The following SLC24A2 variants were observed in gnomAD, a reference collection of about 807,000 sequenced individuals.
The protein encoded by SLC24A2 is solute carrier family 24 member 2, also known as sodium/potassium/calcium exchanger 2.
Under a neutral mutation model 62.0 loss-of-function variants are expected in SLC24A2, and 36 were observed. The observed-to-expected ratio is 0.58, with a 90% confidence interval of 0.44 to 0.77. The LOEUF is 0.77. SLC24A2 is among the 30% of genes least tolerant of loss of function. The pLI is 0.00. For synonymous variants in SLC24A2, 358 were observed against 294.0 expected, an observed-to-expected ratio of 1.22 and a Z score of -2.23; for missense variants, 846 against 817.9, an observed-to-expected ratio of 1.03 and a Z score of -0.42.
Position 19,762,710 on chromosome 9 carries a change from G to A in SLC24A2, c.930+23227C>T, listed in dbSNP as rs141984270. 2.7e-4 allele frequency among the ~76,000 whole-genome samples: 41 copies of A among 151,492 alleles called. 1 individual carries two copies. The East Asian group carries it at 6.8e-3, about 25-fold the overall frequency. ...AGTACCAAGCTGTTTTGGTTACTGTGGCCTTGTAGTATAGTTTGAAGTCAG... is the reference window on the plus strand; with the variant it reads ...AGTACCAAGCTGTTTTGGTTACTGTAGCCTTGTAGTATAGTTTGAAGTCAG... On this transcript the variant is annotated intron_variant, in intron 2 of 10. Transcript: ENST00000341998.
chr9:20,168,979 C>T, the SLC24A2 span, among the ~76,000 whole-genome samples: 1 of 151,910 alleles, frequency 6.6e-6, no homozygotes, highest in African/African-American at 2.4e-5. Context: ...AATGCATAAA[C>T]CAAGTGTGGT....
the SLC24A2 span, among the ~76,000 whole-genome samples, chr9:20,143,078 A>G: frequency 1.3e-5 from 2 of 152,226 alleles, no homozygotes; most frequent in East Asian, 3.8e-4. Context: ...CAGAGTCTGC[A>G]TTCAAATGTA....
At chr9:19,887,265 T>C in the SLC24A2 span, among the ~76,000 whole-genome samples, 1 of 152,188 alleles carries the variant, frequency 6.6e-6, no homozygotes, top group South Asian at 2.1e-4. Flanking sequence ...TGCCTTTTGC[T>C]TGTAAATTTG....
At chr9:19,573,554 A>AGAGAG in intron 6 of SLC24A2, 85 bp from the exon 7 acceptor site, 1 of 878,174 alleles carries the variant, frequency 1.1e-6, no homozygotes, top group South Asian at 1.3e-5. Context: ...AGAGAGAGAG[A>AGAGAG]AAGCAAATGG....
At chr9:19,897,364 C>T in the SLC24A2 span, among the ~76,000 whole-genome samples, 2 of 151,910 alleles carry the variant, frequency 1.3e-5, no homozygotes, top group African/African-American at 4.8e-5. Context: ...TTAAAAATTC[C>T]TTGCCTATGA....
intron 2 of SLC24A2, among the ~76,000 whole-genome samples, chr9:19,745,460 G>A (rs745381975): frequency 6.6e-6 from 1 of 152,092 alleles, no homozygotes; most frequent in Non-Finnish European, 1.5e-5. Flanking sequence ...CATTGTCTGG[G>A]GGACCTGCTA....
At chr9:19,950,788 T>TA in the SLC24A2 span, among the ~76,000 whole-genome samples, 1 of 152,206 alleles carries the variant, frequency 6.6e-6, no homozygotes, top group Non-Finnish European at 1.5e-5. Flanking sequence ...GCTCAGACTA[T>TA]GTTTCCTAAT....
the SLC24A2 span, among the ~76,000 whole-genome samples, chr9:20,100,495 T>G: frequency 6.2e-4 from 94 of 152,346 alleles, 1 homozygote; most frequent in Admixed American, 3.5e-3. Context: ...CTTGCACATT[T>G]CTCATCATAA....
the SLC24A2 span, among the ~76,000 whole-genome samples, chr9:19,937,261 G>T: frequency 2.0e-5 from 3 of 152,188 alleles, no homozygotes; most frequent in African/African-American, 7.2e-5. Context: ...TAAAATATCA[G>T]AATGAAATTT....
intron 7 of SLC24A2, among the ~76,000 whole-genome samples, chr9:19,554,258 C>T (rs966275824): frequency 2.6e-5 from 4 of 152,186 alleles, no homozygotes; most frequent in African/African-American, 7.2e-5. Flanking sequence ...GCTGCTTGGA[C>T]TTCTAGCGTC....
At chr9:20,259,111 A>C in the SLC24A2 span, among the ~76,000 whole-genome samples, 23,396 of 152,000 alleles carry the variant, frequency 0.15, 2,658 homozygotes, top group East Asian at 0.52. Context: ...GGAAGGAACC[A>C]TAAGCCAAGG....
chr9:19,649,282 G>A (rs530345308), intron 2 of SLC24A2, among the ~76,000 whole-genome samples: 5 of 152,150 alleles, frequency 3.3e-5, no homozygotes, highest in East Asian at 1.9e-4. Context: ...GATAATTGAC[G>A]GGAAGTATTC....
chr9:19,807,688 C>G, the SLC24A2 span, among the ~76,000 whole-genome samples: 2 of 152,180 alleles, frequency 1.3e-5, no homozygotes, highest in African/African-American at 2.4e-5. Flanking sequence ...CTTTCTCCAC[C>G]TCTTCTTCTA....
chr9:19,589,372 A>T (rs995503533), intron 5 of SLC24A2, among the ~76,000 whole-genome samples: 2 of 152,264 alleles, frequency 1.3e-5, no homozygotes, highest in African/African-American at 4.8e-5. Context: ...AGGTTAGAAA[A>T]GAAACTGATA....
At chr9:19,893,769 G>A in the SLC24A2 span, among the ~76,000 whole-genome samples, 1 of 152,148 alleles carries the variant, frequency 6.6e-6, no homozygotes, top group African/African-American at 2.4e-5. Flanking sequence ...AAAACAAAAT[G>A]TGAGTTGTAT....
the SLC24A2 span, among the ~76,000 whole-genome samples, chr9:20,214,196 G>A: frequency 0.53 from 79,840 of 152,052 alleles, 22,654 homozygotes; most frequent in East Asian, 0.86. Flanking sequence ...GAGTGGCATC[G>A]TGAGGCGATA....
At chr9:20,103,531 C>T in the SLC24A2 span, among the ~76,000 whole-genome samples, 13 of 152,184 alleles carry the variant, frequency 8.5e-5, no homozygotes, top group African/African-American at 1.2e-4. Flanking sequence ...CAACAGCATT[C>T]GTGGTTTATG....
the SLC24A2 span, among the ~76,000 whole-genome samples, chr9:20,057,054 C>A: frequency 6.6e-6 from 1 of 151,888 alleles, no homozygotes; most frequent in Non-Finnish European, 1.5e-5. Flanking sequence ...TTTTTAAATC[C>A]CAAGTAATTT....
At chr9:19,870,712 A>G in the SLC24A2 span, among the ~76,000 whole-genome samples, 1 of 152,150 alleles carries the variant, frequency 6.6e-6, no homozygotes, top group Non-Finnish European at 1.5e-5. Flanking sequence ...TATTAGGTAT[A>G]AAGTTGTGTC....
Sources: gnomAD v4.1 joint callset for allele counts (sites outside exome capture counted in the v4.1 genomes callset) on GRCh38, gnomAD v4.1.1 for gene constraint, MANE v1.5 for transcripts, NCBI Gene and HGNC (gene_info 2026-07-23, HGNC 2026-07-21) for gene names.